The following CENPI variants were observed in gnomAD, a reference collection of about 807,000 sequenced individuals.
The protein encoded by CENPI is FSH primary response 1.
Under a neutral mutation model 60.4 loss-of-function variants are expected in CENPI, and 4 were observed. The ratio of observed to expected loss-of-function variants is 0.07; its 90% CI spans 0.03 to 0.15. The LOEUF is 0.15. Among genes scored for constraint, CENPI ranks in the 10% least tolerant of loss-of-function variants. The pLI, the probability that CENPI is intolerant of heterozygous loss-of-function variation, is 1.00. For missense variants in CENPI, 444 were observed against 534.5 expected, an observed-to-expected ratio of 0.83 and a Z score of 1.67; for synonymous variants, 157 against 189.4, an observed-to-expected ratio of 0.83 and a Z score of 1.40.
rs35162075 is a variant in CENPI at position 101,102,496 on chromosome X, T to TACACACACACACACACACACAC, written c.364+106_364+107insCACACACACACACACACACACA. On this transcript the variant is annotated intron_variant, in intron 4 of 21. Transcript: ENST00000682095. Reference sequence around the variant, plus strand: ...TTTAAAAATAAATCTTATATATATATACACACACACACACACACACATATA... The same window carrying TACACACACACACACACACACAC: ...TTTAAAAATAAATCTTATATATATATACACACACACACACACACACACACACACACACACACACACACATATA... 122 of 251,648 alleles carry TACACACACACACACACACACAC rather than the reference T, an allele frequency of 4.8e-4. 1 individual carries two copies. The highest frequency in any genetic ancestry group is 4.1e-3 in the African/African-American group (118 of 28,617). The allele number at this position is 251,648 out of a possible 1,213,427, so 20.7% of individuals were successfully genotyped here. A position where few individuals can be genotyped will look rare whatever the true frequency, so the allele number is the denominator to read the frequency against.
intron 20 of CENPI, 71 bp downstream of exon 20, chrX:101,148,232 A>C: frequency 2.3e-6 from 2 of 872,416 alleles, no homozygotes; most frequent in East Asian, 3.1e-5. Context: ...AAGTGCCATA[A>C]ATTTAATGTG....
chrX:101,100,620 T>C (rs1299411900), intron 2 of CENPI: 2 of 114,213 alleles, frequency 1.8e-5, no homozygotes, highest in Non-Finnish European at 3.6e-5. Flanking sequence ...TTTCCTCATA[T>C]TGGCCAGGCT....
chrX:101,160,848 G>GTACCA (rs1351541933), intron 20 of CENPI, among the ~76,000 whole-genome samples: 3 of 111,456 alleles, frequency 2.7e-5, no homozygotes, highest in Non-Finnish European at 5.6e-5. Flanking sequence ...ACATTGCACT[G>GTACCA]TACCACATAG....
the CENPI span, among the ~76,000 whole-genome samples, chrX:101,172,730 C>T: frequency 2.7e-5 from 3 of 111,288 alleles, no homozygotes; most frequent in South Asian, 3.8e-4. Context: ...CTGAATTGTA[C>T]ATTTTAAATG....
chrX:101,135,725 G>C (rs1303632365), intron 15 of CENPI, among the ~76,000 whole-genome samples: 1 of 111,345 alleles, frequency 9.0e-6, no homozygotes, highest in East Asian at 2.8e-4. Context: ...TGTATATTAT[G>C]GTTTTTTTTT....
chrX:101,104,356 G>C (rs12559286), intron 4 of CENPI, among the ~76,000 whole-genome samples: 1 of 112,381 alleles, frequency 8.9e-6, no homozygotes, highest in Non-Finnish European at 1.9e-5. Context: ...GAGGTTCTTA[G>C]AAATAACACC....
At chrX:101,172,492 C>G in the CENPI span, among the ~76,000 whole-genome samples, 3 of 110,363 alleles carry the variant, frequency 2.7e-5, no homozygotes, top group African/African-American at 9.9e-5. Context: ...ATGACATGGA[C>G]AAACCTCAAA....
chrX:101,127,508 C>T lies in CENPI; in HGVS notation c.917C>T (p.Ser306Phe). The T allele has an allele frequency of 8.5e-7, 1 of 1,169,969 alleles. No homozygotes were observed. Among genetic ancestry groups the T allele is most frequent in the Non-Finnish European group, 1.1e-6 (1 of 874,746 alleles). Residue 306 changes from serine (S) to phenylalanine (F), a missense_variant, in exon 11 of 22, where the codon TCT becomes TTT. Ser to Phe is a radical substitution (Grantham distance 155). Coordinates refer to ENST00000682095, the MANE Select transcript of CENPI (RefSeq NM_001386188.2). ...NVRPLKRKWN[S>F]LSVIPVLNSS... The stretch of plus-strand genomic sequence containing the variant: ...ATTATCTTTCTTCAGAAGTGGAATT[C>T]TCTCTCAGTTATACCAGTGCTCAAT...
At chrX:101,157,080 C>T (rs923630067) in intron 20 of CENPI, among the ~76,000 whole-genome samples, 13 of 111,933 alleles carry the variant, frequency 1.2e-4, no homozygotes, top group Admixed American at 6.7e-4. Context: ...AATCTCCACA[C>T]TGTTTTCCAT....
Position 101,109,481 on chromosome X carries a change from G to A in CENPI, c.373G>A (p.Val125Ile). ...IALSGKFGNA[V>I]NTRILKCMIP... ...GCTTGTCTCCTTTCCAGGAAATGCT[G>A]TAAACACACGGATATTGAAGTGCAT... Residue 125 changes from valine (V) to isoleucine (I), a missense_variant, in exon 5 of 22, where the codon GTA becomes ATA. Physicochemically the swap from Val to Ile is conservative, Grantham distance 29. Coordinates refer to ENST00000682095, the MANE Select transcript of CENPI (RefSeq NM_001386188.2). 1.7e-6 allele frequency: 2 copies of A among 1,196,673 alleles called. No individual in the cohort carries two copies. The highest frequency in any genetic ancestry group is 2.3e-6 in the Non-Finnish European group (2 of 882,324).
chrX:101,150,882 A>G (rs1036163682), intron 20 of CENPI, among the ~76,000 whole-genome samples: 3 of 109,735 alleles, frequency 2.7e-5, no homozygotes, highest in Non-Finnish European at 5.7e-5. Flanking sequence ...TGATAATTCC[A>G]ATGTCTGAAG....
intron 13 of CENPI, 71 bp from the exon 14 acceptor site, chrX:101,132,119 C>A: frequency 2.7e-6 from 2 of 730,269 alleles, no homozygotes; most frequent in Non-Finnish European, 4.1e-6. Context: ...ACAAAATAAA[C>A]TGGTTGTTTA....
intron 21 of CENPI, among the ~76,000 whole-genome samples, chrX:101,162,471 A>ATATATATATATATATATATAT (rs1182467283): frequency 3.9e-5 from 3 of 76,280 alleles, no homozygotes; most frequent in African/African-American, 1.8e-4. Flanking sequence ...AAAAAAAAAA[A>ATATATATATATATATATATAT]AAATATATAT....
chrX:101,169,428 C>T (rs1602876722), downstream of CENPI, among the ~76,000 whole-genome samples: 1 of 112,054 alleles, frequency 8.9e-6, no homozygotes, highest in Non-Finnish European at 1.9e-5. Context: ...CTGAAAAGTT[C>T]CCATCACCTA....
rs2090131404 is a variant in CENPI at position 101,163,928 on chromosome X, A to C, written c.*961A>C. ...CACGTGCCTGTAGTCCCAGCTACTC[A>C]GGAGGCTGGGGCAGGAGAATCGCTT... On this transcript the variant is annotated 3_prime_UTR_variant, in exon 22 of 22. Coordinates refer to ENST00000682095, the MANE Select transcript of CENPI (RefSeq NM_001386188.2). Among the ~76,000 whole-genome samples the C allele has an allele frequency of 2.7e-5, 3 of 109,819 alleles. No individual in the cohort carries two copies. Among genetic ancestry groups the C allele is most frequent in the Admixed American group, 1.9e-4 (2 of 10,286 alleles).
At chrX:101,167,236 A>G (rs954494067), downstream of CENPI, among the ~76,000 whole-genome samples, 4 of 112,136 alleles carry the variant, frequency 3.6e-5, no homozygotes, top group African/African-American at 1.3e-4. Flanking sequence ...ATGGGTGAAC[A>G]GATTGCTTGA....
At chrX:101,155,501 A>G (rs900334857) in intron 20 of CENPI, among the ~76,000 whole-genome samples, 2 of 109,627 alleles carry the variant, frequency 1.8e-5, no homozygotes, top group African/African-American at 6.6e-5. Context: ...AATGTTTTCT[A>G]TTATGAATGG....
At chrX:101,135,810 T>C (rs890532314) in intron 15 of CENPI, among the ~76,000 whole-genome samples, 33 of 111,711 alleles carry the variant, frequency 3.0e-4, no homozygotes, top group African/African-American at 8.5e-4. Context: ...AACCTCCGCC[T>C]AGCGGGTTCA....
In CENPI at chrX:101,146,463, C is replaced by G. The variant is rs143750633; in HGVS notation, c.1826+186C>G. ...GTAGCTGTGTTTTTTAAATCCTCCA[C>G]TGCTGTGGCTACAGAATAAAAAAAA... On this transcript the variant is annotated intron_variant, in intron 18 of 21. Transcript: ENST00000682095. Among the ~76,000 whole-genome samples, 541 of 111,474 alleles carry G rather than the reference C, an allele frequency of 4.9e-3. 4 individuals are homozygous for G. The highest frequency in any genetic ancestry group is 0.016 in the African/African-American group (495 of 30,681).
Sources: allele counts gnomAD v4.1 joint callset (sites outside exome capture counted in the v4.1 genomes callset), GRCh38; gene constraint gnomAD v4.1.1; transcripts MANE v1.5; gene names NCBI Gene and HGNC (gene_info 2026-07-23, HGNC 2026-07-21).